The following DSCAM variants were observed in gnomAD, a reference collection of about 807,000 sequenced individuals.
The protein encoded by DSCAM is cell adhesion molecule DSCAM.
A neutral mutation model predicts 217.7 loss-of-function variants in DSCAM; 47 were observed. The observed-to-expected ratio is 0.22, with a 90% confidence interval of 0.17 to 0.28. The LOEUF (loss-of-function observed/expected upper bound fraction) is 0.28. Ranked by LOEUF, DSCAM falls within the 10% of genes least tolerant of loss-of-function variation. The pLI is 1.00. For missense variants in DSCAM, 2,080 were observed against 2,618.3 expected, an observed-to-expected ratio of 0.79 and a Z score of 4.49; for synonymous variants, 1,056 against 1,015.3, an observed-to-expected ratio of 1.04 and a Z score of -0.76.
In DSCAM at chr21:40,087,152, C is replaced by T. The variant is rs892580476; in HGVS notation, c.3968+18G>A. 7.7e-6 allele frequency: 12 copies of T among 1,551,478 alleles called. No individual in the cohort carries two copies. The African/African-American group carries it at 1.4e-4, about 18-fold the overall frequency. The stretch of plus-strand genomic sequence containing the variant: ...CTCTTAGAGTCTCACTGAAGGCATA[C>T]ATTGGGTTACTGGTTACCTGTCTTT... On this transcript the variant is annotated intron_variant, in intron 22 of 32. Transcript: ENST00000400454.
chr21:40,549,932 G>A (rs769810856), intron 3 of DSCAM, among the ~76,000 whole-genome samples: 1 of 152,182 alleles, frequency 6.6e-6, no homozygotes, highest in Non-Finnish European at 1.5e-5. Flanking sequence ...CATAAATGCT[G>A]AAATGAATGA....
At chr21:40,118,623 T>G (rs2085323177) in intron 20 of DSCAM, among the ~76,000 whole-genome samples, 1 of 152,296 alleles carries the variant, frequency 6.6e-6, no homozygotes, top group East Asian at 1.9e-4. Context: ...TGCAGAGAGC[T>G]CTTGTGACAT....
intron 29 of DSCAM, among the ~76,000 whole-genome samples, chr21:40,054,462 G>A (rs78144089): frequency 1.3e-5 from 2 of 152,320 alleles, no homozygotes; most frequent in East Asian, 3.9e-4. Flanking sequence ...GAAGGGTGAT[G>A]GTTGATGGAG....
chr21:40,688,766 T>G lies in DSCAM; in HGVS notation c.508+4044A>C, dbSNP rs532385660. ...AAGGCCCCAGGGCCCAGGGAAGAGCTCAGGCAGGCAGAAAAGCAACATCAG... is the reference window on the plus strand; with the variant it reads ...AAGGCCCCAGGGCCCAGGGAAGAGCGCAGGCAGGCAGAAAAGCAACATCAG... On this transcript the variant is annotated intron_variant, in intron 3 of 32. Coordinates refer to ENST00000400454, the MANE Select transcript of DSCAM (RefSeq NM_001389.5). Among the ~76,000 whole-genome samples, 5 of 152,260 alleles carry G rather than the reference T, an allele frequency of 3.3e-5. No individual in the cohort carries two copies. The South Asian group carries it at 1.0e-3, about 32-fold the overall frequency.
intron 3 of DSCAM, among the ~76,000 whole-genome samples, chr21:40,452,494 A>G (rs926824751): frequency 6.6e-6 from 1 of 152,182 alleles, no homozygotes; most frequent in South Asian, 2.1e-4. Flanking sequence ...ACATTTTTCA[A>G]TTGAAAGTTT....
At chr21:40,804,539 C>A (rs937594252) in intron 1 of DSCAM, among the ~76,000 whole-genome samples, 1 of 152,106 alleles carries the variant, frequency 6.6e-6, no homozygotes, top group Admixed American at 6.6e-5. Context: ...TCCCAGCACA[C>A]CTTCCTGGAG....
intron 3 of DSCAM, among the ~76,000 whole-genome samples, chr21:40,494,642 A>T (rs1303469849): frequency 6.6e-6 from 1 of 152,076 alleles, no homozygotes; most frequent in Non-Finnish European, 1.5e-5. Flanking sequence ...TAACAAAAAA[A>T]CTTTTAAATT....
At chr21:40,838,470 G>C (rs1256637922) in intron 1 of DSCAM, among the ~76,000 whole-genome samples, 2 of 152,208 alleles carry the variant, frequency 1.3e-5, no homozygotes, top group East Asian at 3.9e-4. Flanking sequence ...GGACCCTCAG[G>C]TCATCAAGGT....
chr21:40,616,977 A>T (rs911146026), intron 3 of DSCAM, among the ~76,000 whole-genome samples: 8 of 134,976 alleles, frequency 5.9e-5, no homozygotes, highest in Non-Finnish European at 1.1e-4. Context: ...AGATCCCGCC[A>T]CTGCACTCCA....
In DSCAM at chr21:40,369,133, C is replaced by T. The variant is rs375118878; in HGVS notation, c.621G>A (p.Thr207=). 7.4e-5 allele frequency: 119 copies of T among 1,612,230 alleles called. No individual in the cohort carries two copies. The highest frequency in any genetic ancestry group is 8.7e-5 in the Non-Finnish European group (103 of 1,179,296). Residue 207 remains threonine, a synonymous_variant, in exon 4 of 33, where the codon ACG becomes ACA. Coordinates refer to ENST00000400454, the MANE Select transcript of DSCAM (RefSeq NM_001389.5). The part of the protein sequence containing the change: ...CITRHRYTGE[T]RQSNSARLFV... ...AAAGTCTGGCGCTGTTGCTCTGCCT[C>T]GTCTCTCCGGTGTATCGATGCCGCG... is the stretch of plus-strand genomic sequence containing the variant.
chr21:40,744,722 G>A (rs547924747), intron 1 of DSCAM, among the ~76,000 whole-genome samples: 76 of 151,910 alleles, frequency 5.0e-4, no homozygotes, highest in African/African-American at 1.7e-3. Flanking sequence ...CATAAAACAC[G>A]CAAAAATTGT....
At chr21:40,310,036 T>C (rs532849751) in intron 9 of DSCAM, among the ~76,000 whole-genome samples, 1 of 152,318 alleles carries the variant, frequency 6.6e-6, no homozygotes, top group Non-Finnish European at 1.5e-5. Context: ...CTTGGCTACA[T>C]ATTAGAATAA....
intron 11 of DSCAM, among the ~76,000 whole-genome samples, chr21:40,231,124 GT>G (rs11367532): frequency 0.48 from 66,639 of 137,554 alleles, 16,186 homozygotes; most frequent in African/African-American, 0.64. Flanking sequence ...TCTGGAAGAG[GT>G]TTTTTTTTTT....
chr21:40,792,005 G>A (rs2091649061), intron 1 of DSCAM, among the ~76,000 whole-genome samples: 1 of 152,054 alleles, frequency 6.6e-6, no homozygotes, highest in South Asian at 2.1e-4. Context: ...CAGTTCTGGA[G>A]GCTAGAAGTT....
At chr21:40,525,742 G>C (rs2076395264) in intron 3 of DSCAM, among the ~76,000 whole-genome samples, 1 of 152,162 alleles carries the variant, frequency 6.6e-6, no homozygotes, top group Admixed American at 6.5e-5. Context: ...GACAGACTCA[G>C]CTCCCAGCTA....
At chr21:40,780,423 G>GTGTGTGTATATA (rs1007015659) in intron 1 of DSCAM, among the ~76,000 whole-genome samples, 11 of 56,418 alleles carry the variant, frequency 1.9e-4, no homozygotes, top group African/African-American at 5.4e-4. Context: ...GTGTGTGTGT[G>GTGTGTGTATATA]TATATATATA....
At chr21:40,623,042 G>T (rs1056608170) in intron 3 of DSCAM, among the ~76,000 whole-genome samples, 9 of 152,010 alleles carry the variant, frequency 5.9e-5, no homozygotes, top group African/African-American at 2.2e-4. Flanking sequence ...GGAAGCTGCC[G>T]CTACCCACAA....
At chr21:40,284,904 T>C (rs2073806232) in intron 10 of DSCAM, among the ~76,000 whole-genome samples, 2 of 152,232 alleles carry the variant, frequency 1.3e-5, no homozygotes, top group African/African-American at 4.8e-5. Flanking sequence ...TTCATTTCTA[T>C]GTTGAAGAAG....
intron 3 of DSCAM, among the ~76,000 whole-genome samples, chr21:40,490,050 G>A (rs147287656): frequency 1.4e-4 from 21 of 152,264 alleles, no homozygotes; most frequent in African/African-American, 5.1e-4. Context: ...ATGGCAGAAG[G>A]TGGATGAGAA....
Sources: allele counts gnomAD v4.1 joint callset (sites outside exome capture counted in the v4.1 genomes callset), GRCh38; gene constraint gnomAD v4.1.1; transcripts MANE v1.5; gene names NCBI Gene and HGNC (gene_info 2026-07-23, HGNC 2026-07-21).